WDPCP: variants seen among roughly 807,000 people sequenced by gnomAD.
WDPCP encodes the protein WD repeat-containing and planar cell polarity effector protein fritz homolog.
A neutral mutation model predicts 93.1 loss-of-function variants in WDPCP; 71 were observed. That is an observed-to-expected ratio of 0.76 (90% CI 0.63 to 0.93). The LOEUF is 0.93. Among genes scored for constraint, WDPCP ranks in the 40% least tolerant of loss-of-function variants. The pLI is 0.00. For missense variants in WDPCP, 844 were observed against 887.4 expected (o/e 0.95, Z 0.62); for synonymous variants, 315 against 315.0 (o/e 1.00, Z 0.00).
At chr2:63,637,937 T>C in intron 3 of WDPCP, among the ~76,000 whole-genome samples, 1 of 152,208 alleles carries the variant, frequency 6.6e-6, no homozygotes, top group East Asian at 1.9e-4. Flanking sequence ...AGTCTGAGTA[T>C]AGCTCTGAAG....
intron 12 of WDPCP, among the ~76,000 whole-genome samples, chr2:63,374,072 T>C (rs1453001170): frequency 6.6e-6 from 1 of 150,584 alleles, no homozygotes; most frequent in Non-Finnish European, 1.5e-5. Flanking sequence ...TTTTTTTGTC[T>C]ACCATTCCTT....
At chr2:63,285,719 A>G (rs1683944897) in intron 13 of WDPCP, among the ~76,000 whole-genome samples, 1 of 152,194 alleles carries the variant, frequency 6.6e-6, no homozygotes, top group Non-Finnish European at 1.5e-5. Context: ...GCAAACTCTG[A>G]AAGAGCTGAA....
At chr2:63,405,559 G>C (rs1694505615) in intron 9 of WDPCP, among the ~76,000 whole-genome samples, 1 of 150,492 alleles carries the variant, frequency 6.6e-6, no homozygotes, top group African/African-American at 2.4e-5. Context: ...GTGTGTGTGT[G>C]TGTGTGTGTG....
intron 6 of WDPCP, among the ~76,000 whole-genome samples, chr2:63,453,858 A>T (rs1172309825): frequency 6.6e-6 from 1 of 150,744 alleles, no homozygotes; most frequent in Non-Finnish European, 1.5e-5. Flanking sequence ...AAAACCAAAC[A>T]CTGCATGTTC....
At chr2:63,211,341 G>C (rs985696424) in intron 14 of WDPCP, among the ~76,000 whole-genome samples, 4 of 152,192 alleles carry the variant, frequency 2.6e-5, no homozygotes, top group African/African-American at 4.8e-5. Flanking sequence ...GTGATACCCA[G>C]GCAAACAGGG....
At chr2:63,259,187 G>T in intron 14 of WDPCP, 120 bp downstream of exon 14, 1 of 816,796 alleles carries the variant, frequency 1.2e-6, no homozygotes, top group Non-Finnish European at 2.0e-6. Flanking sequence ...CTTTTTATAA[G>T]GCACTGTCTT....
chr2:63,214,889 T>A (rs1045606896), intron 14 of WDPCP, among the ~76,000 whole-genome samples: 1 of 151,946 alleles, frequency 6.6e-6, no homozygotes, highest in Admixed American at 6.6e-5. Context: ...TCAAAGAGAA[T>A]AAAATACCTA....
intron 14 of WDPCP, among the ~76,000 whole-genome samples, chr2:63,180,852 A>T: frequency 6.6e-6 from 1 of 151,886 alleles, no homozygotes; most frequent in East Asian, 1.9e-4. Context: ...TTATTTTTTG[A>T]ATTTTTAGTA....
chr2:63,476,713 G>T (rs1172425041), intron 6 of WDPCP, among the ~76,000 whole-genome samples: 1 of 152,048 alleles, frequency 6.6e-6, no homozygotes, highest in Non-Finnish European at 1.5e-5. Context: ...TAAATAATAA[G>T]CTATTATTAA....
At chr2:63,488,658 C>T (rs2105926217) in intron 2 of WDPCP, among the ~76,000 whole-genome samples, 1 of 152,004 alleles carries the variant, frequency 6.6e-6, no homozygotes, top group South Asian at 2.1e-4. Flanking sequence ...TTACACTTTT[C>T]AGTACATATA....
At chr2:63,198,886 A>T (rs763218704) in intron 14 of WDPCP, among the ~76,000 whole-genome samples, 1 of 152,200 alleles carries the variant, frequency 6.6e-6, no homozygotes, top group Non-Finnish European at 1.5e-5. Context: ...AGACAGGAAG[A>T]TGAGGGAAAG....
chr2:63,405,089 T>C (rs1221159786), intron 9 of WDPCP, among the ~76,000 whole-genome samples: 1 of 152,170 alleles, frequency 6.6e-6, no homozygotes, highest in African/African-American at 2.4e-5. Flanking sequence ...AGTTGGACTT[T>C]AAATGATTAG....
chr2:63,245,115 T>C (rs12329383), intron 14 of WDPCP, among the ~76,000 whole-genome samples: 55,361 of 152,010 alleles, frequency 0.36, 12,388 homozygotes, highest in Non-Finnish European at 0.5. Flanking sequence ...GAAGAAAGAC[T>C]TTCCCCCGCC....
At chr2:63,590,859 CAG>C (rs1017053694), upstream of WDPCP, 28 of 152,288 alleles carry the variant, frequency 1.8e-4, 1 homozygote, top group Admixed American at 1.7e-3. Flanking sequence ...TGTGAATGGA[CAG>C]AGTTAGAAAA....
chr2:63,768,554 T>C (rs1257810104), intron 2 of WDPCP, among the ~76,000 whole-genome samples: 2 of 152,080 alleles, frequency 1.3e-5, no homozygotes, highest in African/African-American at 4.8e-5. Flanking sequence ...AATCAGAATC[T>C]CTGGGGACAA....
At chr2:63,135,642 T>C (rs1670564577) in intron 17 of WDPCP, among the ~76,000 whole-genome samples, 1 of 152,226 alleles carries the variant, frequency 6.6e-6, no homozygotes, top group Non-Finnish European at 1.5e-5. Flanking sequence ...ATGTTATTAT[T>C]TCAAGTTAAT....
chr2:63,771,303 G>C (rs886989296), intron 2 of WDPCP, among the ~76,000 whole-genome samples: 6 of 151,464 alleles, frequency 4.0e-5, no homozygotes, highest in Admixed American at 3.9e-4. Flanking sequence ...TTAATAAATT[G>C]ATAAATTCCT....
At position 63,695,508 on chromosome 2, in the gene WDPCP, C is replaced by T. The variant is rs74973953; in HGVS notation, n.309-44670G>A. On this transcript the variant is annotated intron_variant and non_coding_transcript_variant, in intron 2 of 4. Transcript: ENST00000467687. ...TAAACTAAAAATTATTCATTGTTTA[C>T]CTGAAATTCAAATTTAACTGTCTGT... Among the ~76,000 whole-genome samples, 60 of 152,190 alleles carry T rather than the reference C, an allele frequency of 3.9e-4. No individual in the cohort carries two copies. The East Asian group carries it at 0.011, about 27-fold the overall frequency.
intron 1 of WDPCP, among the ~76,000 whole-genome samples, chr2:63,511,653 T>C (rs1019346208): frequency 6.6e-6 from 1 of 152,296 alleles, no homozygotes; most frequent in South Asian, 2.1e-4. Context: ...GGGGAAAGGA[T>C]TCCCTATTTA....
Sources: gnomAD v4.1 joint callset for allele counts (sites outside exome capture counted in the v4.1 genomes callset) on GRCh38, gnomAD v4.1.1 for gene constraint, MANE v1.5 for transcripts, NCBI Gene and HGNC (gene_info 2026-07-23, HGNC 2026-07-21) for gene names.